Variants in UBTD2 observed in about 807,000 individuals in gnomAD.
The protein encoded by UBTD2 is ubiquitin domain containing 2.
A neutral mutation model predicts 19.8 loss-of-function variants in UBTD2; 9 were observed. The observed-to-expected ratio is 0.46, with a 90% CI of 0.27 to 0.79. UBTD2 has a LOEUF of 0.79. UBTD2 is among the 30% of genes least tolerant of loss of function. The probability of loss-of-function intolerance (pLI) is 0.14; values close to 1 mark genes in which losing one functional copy is unlikely to be tolerated. For missense variants in UBTD2, 250 were observed against 300.4 expected (o/e 0.83, Z 1.24); for synonymous variants, 98 against 103.9 (o/e 0.94, Z 0.35).
At chr5:172,276,608 C>A (rs1407951753) in intron 1 of UBTD2, among the ~76,000 whole-genome samples, 1 of 152,104 alleles carries the variant, frequency 6.6e-6, no homozygotes, top group African/African-American at 2.4e-5. Context: ...CAGTCCCCCA[C>A]GCCTTCTGAC....
intron 1 of UBTD2, among the ~76,000 whole-genome samples, chr5:172,270,020 T>C (rs1008871993): frequency 1.5e-4 from 23 of 151,384 alleles, no homozygotes; most frequent in Non-Finnish European, 3.2e-4. Context: ...GAGGTTGCAG[T>C]GAGCCGAGAT....
chr5:172,229,512 A>G (rs1324319704), intron 2 of UBTD2, among the ~76,000 whole-genome samples: 1 of 150,748 alleles, frequency 6.6e-6, no homozygotes, highest in East Asian at 1.9e-4. Flanking sequence ...AAAAAAAAAA[A>G]AAAAAAAAAA....
chr5:172,262,106 T>C (rs969297617), intron 1 of UBTD2, among the ~76,000 whole-genome samples: 2 of 152,162 alleles, frequency 1.3e-5, no homozygotes, highest in Non-Finnish European at 1.5e-5. Context: ...CACTATAAGA[T>C]GGCAATATTA....
chr5:172,282,795 T>A (rs903425078), intron 1 of UBTD2, among the ~76,000 whole-genome samples: 3 of 152,346 alleles, frequency 2.0e-5, no homozygotes, highest in African/African-American at 7.2e-5. Flanking sequence ...AGCACGCTTT[T>A]ACTATAAAGT....
At chr5:172,271,390 C>CTGCA (rs1340141679) in intron 1 of UBTD2, among the ~76,000 whole-genome samples, 1 of 149,334 alleles carries the variant, frequency 6.7e-6, no homozygotes, top group Non-Finnish European at 1.5e-5. Context: ...GATCGCACCA[C>CTGCA]TGCACTCCAG....
At chr5:172,218,797 A>AT (rs1771595989) in intron 2 of UBTD2, among the ~76,000 whole-genome samples, 1 of 144,636 alleles carries the variant, frequency 6.9e-6, no homozygotes, top group South Asian at 2.1e-4. Flanking sequence ...AAATAAAAAA[A>AT]TAAAAAAAAA....
chr5:172,263,299 G>T (rs1388570463), intron 1 of UBTD2, among the ~76,000 whole-genome samples: 1 of 152,190 alleles, frequency 6.6e-6, no homozygotes, highest in Non-Finnish European at 1.5e-5. Flanking sequence ...ACAAGTTCAA[G>T]TATGTCACTA....
At chr5:172,237,299 G>A (rs1161403066) in intron 1 of UBTD2, among the ~76,000 whole-genome samples, 1 of 151,940 alleles carries the variant, frequency 6.6e-6, no homozygotes, top group East Asian at 1.9e-4. Context: ...TCACCATATT[G>A]GCCAGGATAG....
intron 1 of UBTD2, among the ~76,000 whole-genome samples, chr5:172,254,246 T>C (rs1755093877): frequency 6.6e-6 from 1 of 152,026 alleles, no homozygotes; most frequent in Non-Finnish European, 1.5e-5. Context: ...ATTACAGGTA[T>C]CCGCCACCAC....
At chr5:172,257,835 G>C (rs1307289130) in intron 1 of UBTD2, among the ~76,000 whole-genome samples, 1 of 152,128 alleles carries the variant, frequency 6.6e-6, no homozygotes, top group Non-Finnish European at 1.5e-5. Flanking sequence ...GTCTGTTCAT[G>C]TCCTTTGCCC....
chr5:172,258,465 C>A (rs1561862907), intron 1 of UBTD2, among the ~76,000 whole-genome samples: 1 of 152,050 alleles, frequency 6.6e-6, no homozygotes, highest in Non-Finnish European at 1.5e-5. Flanking sequence ...GCTTTTTGGC[C>A]TTTTTGGTTC....
intron 2 of UBTD2, among the ~76,000 whole-genome samples, chr5:172,226,042 A>G (rs1771756425): frequency 1.3e-5 from 2 of 149,416 alleles, no homozygotes; most frequent in Non-Finnish European, 3.0e-5. Context: ...GGCTCAAGCA[A>G]TTTTCCTGCC....
intron 1 of UBTD2, chr5:172,254,918 C>T: frequency 2.0e-6 from 1 of 496,422 alleles, no homozygotes; most frequent in Non-Finnish European, 3.8e-6. Context: ...CCTCTTCCTC[C>T]TCCTCCTCCT....
intron 1 of UBTD2, among the ~76,000 whole-genome samples, chr5:172,255,917 C>T (rs1487617516): frequency 6.6e-6 from 1 of 152,080 alleles, no homozygotes; most frequent in African/African-American, 2.4e-5. Flanking sequence ...GGTAAAACCC[C>T]ATCTCTACTG....
chr5:172,277,389 T>G (rs981490115), intron 1 of UBTD2, among the ~76,000 whole-genome samples: 1 of 151,992 alleles, frequency 6.6e-6, no homozygotes. Context: ...AAGAAAAAAA[T>G]AGATAAATCG....
chr5:172,215,501 G>A (rs897572626), intron 2 of UBTD2, among the ~76,000 whole-genome samples: 3 of 152,062 alleles, frequency 2.0e-5, no homozygotes, highest in African/African-American at 4.8e-5. Flanking sequence ...CCATATTACC[G>A]AAGGCCCATT....
chr5:172,218,589 C>A (rs1315581901), intron 2 of UBTD2, among the ~76,000 whole-genome samples: 1 of 151,676 alleles, frequency 6.6e-6, no homozygotes, highest in Non-Finnish European at 1.5e-5. Flanking sequence ...TTGCGACCAG[C>A]CTGGGTAACA....
chr5:172,264,603 C>T lies in UBTD2; in HGVS notation c.70+18993G>A, dbSNP rs377614848. ...AAAACAACCCAAGGGGCTAGGCACA[C>T]ACCGTGGCTCATGCCTGTAATCCAC... is the stretch of plus-strand genomic sequence containing the variant. On this transcript the variant is annotated intron_variant, in intron 1 of 2. Transcript: ENST00000393792. Among the ~76,000 whole-genome samples, 13 of 149,660 alleles carry T rather than the reference C, an allele frequency of 8.7e-5. No homozygotes were observed. In the East Asian group the frequency reaches 1.6e-3, roughly 18 times the overall value.
At chr5:172,246,386 T>C (rs1754882828) in intron 1 of UBTD2, among the ~76,000 whole-genome samples, 1 of 148,474 alleles carries the variant, frequency 6.7e-6, no homozygotes, top group East Asian at 2.0e-4. Context: ...TCCAATCATA[T>C]CAGTCACTAT....
Sources: gnomAD v4.1 joint callset for allele counts (sites outside exome capture counted in the v4.1 genomes callset) on GRCh38, gnomAD v4.1.1 for gene constraint, MANE v1.5 for transcripts, NCBI Gene and HGNC (gene_info 2026-07-23, HGNC 2026-07-21) for gene names.